The following RYR1 variants were observed in gnomAD, a reference collection of about 807,000 sequenced individuals.
RYR1 encodes the protein ryanodine receptor 1, also known as central core disease of muscle.
A neutral mutation model predicts 583.5 loss-of-function variants in RYR1; 342 were observed. The ratio of observed to expected loss-of-function variants is 0.59; its 90% CI spans 0.54 to 0.64. The LOEUF (loss-of-function observed/expected upper bound fraction) is 0.64, where lower values mean the gene tolerates loss of function less well. Among genes scored for constraint, RYR1 ranks in the 30% least tolerant of loss-of-function variants. The pLI is 0.00. For missense variants in RYR1, 6,032 were observed against 6,917.2 expected, an observed-to-expected ratio of 0.87 and a Z score of 4.54; for synonymous variants, 2,791 against 2,822.5, an observed-to-expected ratio of 0.99 and a Z score of 0.35.
chr19:38,511,188 C>G (rs897500821), intron 60 of RYR1, among the ~76,000 whole-genome samples: 1 of 151,984 alleles, frequency 6.6e-6, no homozygotes, highest in Non-Finnish European at 1.5e-5. Flanking sequence ...CCCAGCTACT[C>G]AGGAGGCTGA....
chr19:38,452,939 C>T lies in RYR1; in HGVS notation c.1365C>T (p.Ser455=), dbSNP rs906190453. 3.1e-6 allele frequency: 5 copies of T among 1,613,976 alleles called. No homozygotes were observed. The highest frequency in any genetic ancestry group is 4.2e-6 in the Non-Finnish European group (5 of 1,179,878). Residue 455 remains serine, a synonymous_variant, in exon 13 of 106, where the codon TCC becomes TCT. Transcript: ENST00000359596. Reference sequence around the variant, plus strand: ...TCATCATCTACTTCGAGCCTCCCTCCGAGGACTTGCAGCACGAGGAGAAGC... The same window carrying T: ...TCATCATCTACTTCGAGCCTCCCTCTGAGGACTTGCAGCACGAGGAGAAGC... ...QDLIIYFEPP[S]EDLQHEEKQS...
chr19:38,489,328 C>T lies in RYR1; in HGVS notation c.5699C>T (p.Ala1900Val), dbSNP rs574332618. The change falls in exon 35 of 106, where the codon GCA (alanine) becomes GTA (valine). Residue 1900 changes from alanine to valine, a missense_variant. Around this residue, in one of 11 missense-constraint regions of RYR1, gnomAD observed 2,627 missense variants for 2,961.3 expected, o/e 0.89. Transcript: ENST00000359596. ...EEKEEDEEET[A>V]QEKEDEEKEE... ...AAGGAGGAGGATGAGGAGGAAACAG[C>T]ACAGGAAAAGGAAGATGAGGAAAAA... 6.2e-7 allele frequency: 1 copy of T among 1,605,714 alleles called. No homozygotes were observed. Among genetic ancestry groups the T allele is most frequent in the Admixed American group, 1.7e-5 (1 of 59,964 alleles).
intron 76 of RYR1, among the ~76,000 whole-genome samples, chr19:38,530,729 C>T (rs890853004): frequency 6.6e-6 from 1 of 152,068 alleles, no homozygotes; most frequent in African/African-American, 2.4e-5. Flanking sequence ...CACTTCTAGG[C>T]ATCACAGCCA....
At position 38,565,449 on chromosome 19, in the gene RYR1, A is replaced by G. The variant is rs1973363250; in HGVS notation, c.13115A>G (p.Lys4372Arg). The G allele has an allele frequency of 2.7e-6, 4 of 1,498,102 alleles. No homozygotes were observed. Among genetic ancestry groups the G allele is most frequent in the Non-Finnish European group, 3.5e-6 (4 of 1,131,024 alleles). The allele number at this position is 1,498,102 out of a possible 1,614,324, so 92.8% of individuals were successfully genotyped here. ...LFGGGLVEGA[K>R]KVTVTELLAG... is the part of the protein sequence containing the mutation. ...GGCGGCGGCCTGGTGGAGGGCGCCA[A>G]GAAGGTGACGGTGACCGAGCTCCTG... The change falls in exon 91 of 106, where the codon AAG (lysine) becomes AGG (arginine). Residue 4372 changes from lysine to arginine, a missense_variant. Physicochemically the swap from Lys to Arg is conservative, Grantham distance 26 (BLOSUM62 2). Coordinates refer to ENST00000359596, the MANE Select transcript of RYR1 (RefSeq NM_000540.3). The surrounding 1 kb of genome is among the most constrained non-coding windows in gnomAD (Gnocchi z 4.7).
chr19:38,505,025 G>T lies in RYR1; in HGVS notation c.8254G>T (p.Asp2752Tyr), dbSNP rs768299986. 3.1e-6 allele frequency: 5 copies of T among 1,614,140 alleles called. No homozygotes were observed. The East Asian group carries it at 1.1e-4, about 36-fold the overall frequency. The change falls in exon 52 of 106, where the codon GAC (aspartate) becomes TAC (tyrosine). Residue 2752 changes from aspartate (D) to tyrosine (Y), a missense_variant. This residue lies in a region of RYR1 where 1,493 missense variants were observed against 1,715.5 expected (regional missense o/e 0.87). Transcript: ENST00000359596. ...CAGTGTGATCATCCCGGAGAAGCTG[G>T]ACTCCTTCATTAACAAGTTTGCGGA... ...TLNVIIPEKL[D>Y]SFINKFAEYT...
intron 31 of RYR1, among the ~76,000 whole-genome samples, chr19:38,480,651 G>T (rs1968962754): frequency 6.6e-6 from 1 of 152,044 alleles, no homozygotes; most frequent in Admixed American, 6.6e-5. Context: ...TTTGTGTTCA[G>T]ATTTCTCTGG....
chr19:38,585,020 C>G lies in RYR1; in HGVS notation c.14724C>G (p.Asp4908Glu). 1 of 1,614,016 alleles carries G rather than the reference C, an allele frequency of 6.2e-7. No homozygotes were observed. The highest frequency in any genetic ancestry group is 8.5e-7 in the Non-Finnish European group (1 of 1,179,988). Residue 4908 changes from aspartate to glutamate, a missense_variant, in exon 102 of 106, where the codon GAC becomes GAG. This residue lies in a region of RYR1 where 189 missense variants were observed against 350.3 expected (regional missense o/e 0.54). Transcript: ENST00000359596. ...ACGAGATCGAGGACCCCGCGGGTGA[C>G]GAATACGAGCTCTACAGGGTGGTCT... The part of the protein sequence containing the change: ...IGDEIEDPAG[D>E]EYELYRVVFD...
At position 38,455,680 on chromosome 19, in the gene RYR1, C is replaced by T. The variant is rs1307522343; in HGVS notation, c.1720C>T (p.Leu574=). 1.9e-6 allele frequency: 3 copies of T among 1,613,900 alleles called. No individual in the cohort carries two copies. The highest frequency in any genetic ancestry group is 2.5e-6 in the Non-Finnish European group (3 of 1,179,928). ...YCVLIESPEV[L]NIIQENHIKS... ...TGTCCTCATTGAGAGTCCAGAGGTT[C>T]TGAACATCATCCAGGAGAATCACAT... Residue 574 remains leucine (L), a synonymous_variant, in exon 16 of 106, where the codon CTG becomes TTG. Coordinates refer to ENST00000359596, the MANE Select transcript of RYR1 (RefSeq NM_000540.3).
intron 89 of RYR1, among the ~76,000 whole-genome samples, chr19:38,552,682 G>A (rs1436902207): frequency 6.6e-6 from 1 of 152,206 alleles, no homozygotes; most frequent in African/African-American, 2.4e-5. Context: ...TGGCCTCAGA[G>A]TACACTGCCT....
At chr19:38,489,556 C>A in intron 35 of RYR1, 113 bp downstream of exon 35, 1 of 1,188,456 alleles carries the variant, frequency 8.4e-7, no homozygotes, top group Non-Finnish European at 1.3e-6. Flanking sequence ...TGTGGAAATG[C>A]ATATGGCAGT....
In RYR1 at chr19:38,433,760, C is replaced by T; in HGVS notation, c.-70C>T. 2.6e-6 allele frequency: 2 copies of T among 755,092 alleles called. No individual in the cohort carries two copies. The highest frequency in any genetic ancestry group is 3.5e-5 in the Admixed American group (2 of 57,226). The allele number at this position is 755,092 out of a possible 1,614,324, so 46.8% of individuals were successfully genotyped here. A position where few individuals can be genotyped will look rare whatever the true frequency, so the allele number is the denominator to read the frequency against. ...CTCCGACCCCAGCCCGCCCCCAGCC[C>T]TCCCGCCCAGCCCGCAGCCCCCTCC... On this transcript the variant is annotated 5_prime_UTR_variant, in exon 1 of 106. Coordinates refer to ENST00000359596, the MANE Select transcript of RYR1 (RefSeq NM_000540.3).
In RYR1 at chr19:38,448,696, C is replaced by T. The variant is rs1400474310; in HGVS notation, c.1005C>T (p.Pro335=). The change falls in exon 11 of 106, where the codon CCC becomes CCT. Residue 335 remains proline, a synonymous_variant. Transcript: ENST00000359596. ...AGCGGGATGTGGAGGGCATGGGCCC[C>T]CCTGAGATCAAGTACGGGGAGTCAC... ...APKRDVEGMG[P]PEIKYGESLC... The T allele has an allele frequency of 6.2e-7, 1 of 1,614,110 alleles. No homozygotes were observed. The highest frequency in any genetic ancestry group is 1.3e-5 in the African/African-American group (1 of 74,936).
Position 38,455,472 on chromosome 19 carries a change from G to T in RYR1, c.1598G>T (p.Arg533Leu). ...TCAGCTTCTCTAATCCGTGGCAATC[G>T]TAGCAACTGTGCCCTCTTCTCCACA... ...ELLASLIRGN[R>L]SNCALFSTNL... is the part of the protein sequence containing the mutation. The change falls in exon 15 of 106, where the codon CGT becomes CTT. Residue 533 changes from arginine (R) to leucine (L), a missense_variant. Physicochemically the swap from Arg to Leu is moderately radical, Grantham distance 102. Around this residue, in one of 11 missense-constraint regions of RYR1, gnomAD observed 2,627 missense variants for 2,961.3 expected, o/e 0.89. Coordinates refer to ENST00000359596, the MANE Select transcript of RYR1 (RefSeq NM_000540.3). 1 of 1,614,118 alleles carries T rather than the reference G, an allele frequency of 6.2e-7. No individual in the cohort carries two copies. The highest frequency in any genetic ancestry group is 1.1e-5 in the South Asian group (1 of 91,084).
chr19:38,502,799 AGGGG>A (rs1568506697), intron 48 of RYR1, 72 bp downstream of exon 48: 15 of 406,254 alleles, frequency 3.7e-5, no homozygotes, highest in South Asian at 2.8e-4. Context: ...GGGCAGGGGC[AGGGG>A]CAGGGGGAGG....
In RYR1 at chr19:38,464,693, C is replaced by T. The variant is rs1318464375; in HGVS notation, c.2841C>T (p.Asp947=). 6.3e-7 allele frequency: 1 copy of T among 1,591,912 alleles called. No individual in the cohort carries two copies. Among genetic ancestry groups the T allele is most frequent in the Non-Finnish European group, 8.6e-7 (1 of 1,169,342 alleles). Reference sequence around the variant, plus strand: ...GCATGGCGGATGAGAAGGCGGAGGACAACCTGAAGAAGACAAAACTCCCCA... The same window carrying T: ...GCATGGCGGATGAGAAGGCGGAGGATAACCTGAAGAAGACAAAACTCCCCA... ...HVGMADEKAE[D]NLKKTKLPKT... is the part of the protein sequence containing the mutation. The change falls in exon 23 of 106, where the codon GAC becomes GAT. Residue 947 remains aspartate (D), a synonymous_variant. Coordinates refer to ENST00000359596, the MANE Select transcript of RYR1 (RefSeq NM_000540.3).
chr19:38,585,369 G>GATAGATAGATATATATATATAT (rs1890244817), intron 102 of RYR1, among the ~76,000 whole-genome samples: 1 of 141,066 alleles, frequency 7.1e-6, no homozygotes, highest in African/African-American at 2.6e-5. Context: ...AAAGGCCTGA[G>GATAGATAGATATATATATATAT]ATATATATAT....
intron 49 of RYR1, among the ~76,000 whole-genome samples, chr19:38,503,609 C>T (rs1286590119): frequency 6.6e-6 from 1 of 152,000 alleles, no homozygotes; most frequent in Non-Finnish European, 1.5e-5. Context: ...CCCATCTCTA[C>T]TAAAACTACA....
chr19:38,544,663 A>G (rs1395852339), intron 87 of RYR1, among the ~76,000 whole-genome samples: 1 of 152,094 alleles, frequency 6.6e-6, no homozygotes, highest in Non-Finnish European at 1.5e-5. Flanking sequence ...GCTGGCAGAA[A>G]CCCTAATTCG....
intron 102 of RYR1, 117 bp from the exon 103 acceptor site, chr19:38,585,821 A>C: frequency 8.3e-7 from 1 of 1,211,174 alleles, no homozygotes. Context: ...AAGCGAGATT[A>C]GGGGTGAGAT....
Sources: gnomAD v4.1 joint callset for allele counts (sites outside exome capture counted in the v4.1 genomes callset) on GRCh38, gnomAD v4.1.1 for gene constraint, gnomAD v4.1.1 regional missense constraint, Gnocchi (gnomAD v3.1) non-coding constraint, MANE v1.5 for transcripts, NCBI Gene and HGNC (gene_info 2026-07-23, HGNC 2026-07-21) for gene names.